Variants in CEP112 observed in about 807,000 individuals in gnomAD.
CEP112 encodes centrosomal protein of 112 kDa.
A neutral mutation model predicts 153.0 loss-of-function variants in CEP112; 127 were observed. The observed-to-expected ratio is 0.83, with a 90% CI of 0.72 to 0.96. The LOEUF (loss-of-function observed/expected upper bound fraction) is 0.96. Ranked by LOEUF, CEP112 falls within the 40% of genes least tolerant of loss-of-function variation. The pLI is 0.00. For missense variants in CEP112, 1,089 were observed against 1,101.2 expected, an observed-to-expected ratio of 0.99 and a Z score of 0.16; for synonymous variants, 358 against 374.4, an observed-to-expected ratio of 0.96 and a Z score of 0.51.
chr17:66,185,145 T>G (rs1156912525), intron 1 of CEP112, among the ~76,000 whole-genome samples: 1 of 142,018 alleles, frequency 7.0e-6, no homozygotes, highest in East Asian at 2.0e-4. Flanking sequence ...TTCTGTACAC[T>G]ATCTATGTAG....
chr17:66,086,684 A>G lies in CEP112; in HGVS notation c.768+9567T>C, dbSNP rs113943012. Among the ~76,000 whole-genome samples, 279 of 152,018 alleles carry G rather than the reference A, an allele frequency of 1.8e-3. 1 individual carries two copies. Among genetic ancestry groups the G allele is most frequent in the Non-Finnish European group, 3.4e-3 (233 of 67,948 alleles). On this transcript the variant is annotated intron_variant, in intron 8 of 26. Coordinates refer to ENST00000535342, the MANE Select transcript of CEP112 (RefSeq NM_001199165.4). ...AGTGCTGGGATTACAGGCGTGAGCC[A>G]CCGTGCCTGGCCATACCAATTTTCT...
In CEP112 at chr17:65,658,087, A is replaced by C. The variant is rs569936216; in HGVS notation, c.2698-17022T>G. Among the ~76,000 whole-genome samples the C allele has an allele frequency of 2.0e-5, 3 of 152,348 alleles. No homozygotes were observed. The East Asian group carries it at 5.8e-4, about 29-fold the overall frequency. On this transcript the variant is annotated intron_variant, in intron 24 of 26. Coordinates refer to ENST00000535342, the MANE Select transcript of CEP112 (RefSeq NM_001199165.4). ...GCTGCATAATCTTTTACATACTGTG[A>C]TGATTCTATTTAATTCTTACATACA...
At chr17:66,027,015 T>C (rs905225654) in intron 16 of CEP112, among the ~76,000 whole-genome samples, 6 of 152,234 alleles carry the variant, frequency 3.9e-5, no homozygotes, top group African/African-American at 1.2e-4. Context: ...ACTGAAGCAG[T>C]TGTTTATTAT....
chr17:66,095,675 C>CA (rs1325175839), intron 8 of CEP112, among the ~76,000 whole-genome samples: 1 of 152,082 alleles, frequency 6.6e-6, no homozygotes, highest in Non-Finnish European at 1.5e-5. Context: ...ATTCTCATTA[C>CA]AAAAAATAAT....
chr17:65,937,535 G>A (rs2061363553), intron 18 of CEP112, among the ~76,000 whole-genome samples: 1 of 124,318 alleles, frequency 8.0e-6, no homozygotes, highest in Non-Finnish European at 1.7e-5. Flanking sequence ...GAGCCCCTCT[G>A]CCCGGCCAGC....
At chr17:65,959,437 A>G (rs1208388738) in intron 18 of CEP112, among the ~76,000 whole-genome samples, 1 of 152,224 alleles carries the variant, frequency 6.6e-6, no homozygotes, top group Admixed American at 6.5e-5. Context: ...TCGCAGGACA[A>G]GAACTCAGGA....
At chr17:66,093,079 A>G (rs146954992) in intron 8 of CEP112, among the ~76,000 whole-genome samples, 63 of 152,314 alleles carry the variant, frequency 4.1e-4, no homozygotes, top group African/African-American at 1.5e-3. Flanking sequence ...CCTGTAATCA[A>G]TCCCAGCACT....
intron 22 of CEP112, among the ~76,000 whole-genome samples, chr17:65,750,263 G>A (rs1406249716): frequency 6.6e-6 from 1 of 152,148 alleles, no homozygotes; most frequent in Non-Finnish European, 1.5e-5. Flanking sequence ...AGAAGCCTTT[G>A]GTAGAGCAAA....
At chr17:65,698,672 C>G (rs954242836) in intron 23 of CEP112, among the ~76,000 whole-genome samples, 4 of 152,010 alleles carry the variant, frequency 2.6e-5, no homozygotes, top group African/African-American at 4.8e-5. Context: ...CACATTCCCC[C>G]GCTTCGTGGC....
At chr17:66,051,242 G>C (rs1400153556) in intron 12 of CEP112, among the ~76,000 whole-genome samples, 1 of 151,444 alleles carries the variant, frequency 6.6e-6, no homozygotes, top group Non-Finnish European at 1.5e-5. Context: ...GTCTCCCAAA[G>C]TGCTGGGAAC....
chr17:65,731,652 T>C (rs899959478), intron 23 of CEP112, among the ~76,000 whole-genome samples: 8 of 152,226 alleles, frequency 5.3e-5, no homozygotes, highest in Non-Finnish European at 1.2e-4. Flanking sequence ...AGAATTTCTT[T>C]GAAAATGGGA....
chr17:65,994,433 T>G (rs1043659118), intron 17 of CEP112, among the ~76,000 whole-genome samples: 1 of 152,174 alleles, frequency 6.6e-6, no homozygotes, highest in African/African-American at 2.4e-5. Context: ...GCTCAAGCAA[T>G]TCTCCTGCCT....
intron 23 of CEP112, among the ~76,000 whole-genome samples, 157 bp downstream of exon 23, chr17:65,742,911 T>C (rs1328839673): frequency 6.6e-6 from 1 of 152,238 alleles, no homozygotes; most frequent in African/African-American, 2.4e-5. Flanking sequence ...CCTGAGTCAC[T>C]GGATACATCA....
chr17:65,722,275 G>A (rs1430471207), intron 23 of CEP112, among the ~76,000 whole-genome samples: 1 of 151,684 alleles, frequency 6.6e-6, no homozygotes, highest in Non-Finnish European at 1.5e-5. Context: ...TTGAGATAGA[G>A]TCTCCCTTTG....
intron 23 of CEP112, among the ~76,000 whole-genome samples, chr17:65,742,070 T>C (rs2051170966): frequency 6.6e-6 from 1 of 151,622 alleles, no homozygotes. Context: ...GTTTTATCCA[T>C]CTGTTAAGGC....
In CEP112 at chr17:65,640,978, A is replaced by G; in HGVS notation, c.2785T>C (p.Ser929Pro). The G allele has an allele frequency of 1.3e-6, 2 of 1,593,674 alleles. No homozygotes were observed. Among genetic ancestry groups the G allele is most frequent in the Non-Finnish European group, 1.7e-6 (2 of 1,161,676 alleles). The change falls in exon 25 of 27, where the codon TCC (serine) becomes CCC (proline). Residue 929 changes from serine to proline, a missense_variant. Transcript: ENST00000535342. Reference protein sequence around the residue: ...LRQELEDTISSLKSQVNFLQK... With the variant: ...LRQELEDTISPLKSQVNFLQK... ...CTAGTAATTACCTGTGATTTTAGGG[A>G]GGAAATGGTGTCTTCAAGTTCTTGT...
intron 20 of CEP112, among the ~76,000 whole-genome samples, chr17:65,900,020 A>G (rs2059790356): frequency 6.6e-6 from 1 of 152,192 alleles, no homozygotes; most frequent in Non-Finnish European, 1.5e-5. Context: ...GACCACAACC[A>G]TGAAGAGATA....
intron 24 of CEP112, among the ~76,000 whole-genome samples, chr17:65,682,741 A>G (rs1012830150): frequency 2.0e-5 from 3 of 152,086 alleles, no homozygotes; most frequent in African/African-American, 7.2e-5. Flanking sequence ...GATGTTACTC[A>G]ATGTCCCTTG....
intron 6 of CEP112, among the ~76,000 whole-genome samples, chr17:66,120,388 A>G (rs2069516580): frequency 6.6e-6 from 1 of 152,054 alleles, no homozygotes; most frequent in Non-Finnish European, 1.5e-5. Flanking sequence ...TTTAGTAGAG[A>G]CGAGGTTTTA....
Sources: allele counts gnomAD v4.1 joint callset (sites outside exome capture counted in the v4.1 genomes callset), GRCh38; gene constraint gnomAD v4.1.1; transcripts MANE v1.5; gene names NCBI Gene and HGNC (gene_info 2026-07-23, HGNC 2026-07-21).